Variants in TMOD3 observed in about 807,000 individuals in gnomAD.
TMOD3 encodes tropomodulin 3, also known as tropomodulin-3.
TMOD3 carries 20 observed loss-of-function variants against 39.2 expected under a neutral mutation model. The ratio of observed to expected loss-of-function variants is 0.51; its 90% confidence interval spans 0.36 to 0.74. The LOEUF is 0.74. TMOD3 is among the 30% of genes least tolerant of loss of function. TMOD3 has a pLI of 0.00. For synonymous variants in TMOD3, 143 were observed against 145.8 expected, an observed-to-expected ratio of 0.98 and a Z score of 0.14; for missense variants, 381 against 412.8, an observed-to-expected ratio of 0.92 and a Z score of 0.67.
At chr15:51,886,359 C>T (rs997954138) in intron 3 of TMOD3, among the ~76,000 whole-genome samples, 56 of 152,366 alleles carry the variant, frequency 3.7e-4, no homozygotes, top group African/African-American at 1.3e-3. Context: ...CACGCCACTG[C>T]ACTCCAGCCT....
At chr15:51,871,352 G>C (rs1023689867) in intron 3 of TMOD3, among the ~76,000 whole-genome samples, 1 of 152,116 alleles carries the variant, frequency 6.6e-6, no homozygotes, top group African/African-American at 2.4e-5. Flanking sequence ...CTTTAATCCT[G>C]CTTAAATAGA....
chr15:51,845,246 G>C (rs1209259411), intron 1 of TMOD3, among the ~76,000 whole-genome samples: 2 of 152,180 alleles, frequency 1.3e-5, no homozygotes, highest in Non-Finnish European at 2.9e-5. Flanking sequence ...AGGACTGAGG[G>C]AGGATCTGTG....
At chr15:51,898,071 G>A (rs1463603624) in intron 7 of TMOD3, among the ~76,000 whole-genome samples, 1 of 152,044 alleles carries the variant, frequency 6.6e-6, no homozygotes, top group African/African-American at 2.4e-5. Flanking sequence ...ATTCCTATTC[G>A]GATAACCCTC....
At chr15:51,849,382 A>C (rs865853206) in intron 1 of TMOD3, among the ~76,000 whole-genome samples, 7 of 152,348 alleles carry the variant, frequency 4.6e-5, no homozygotes, top group South Asian at 2.1e-4. Context: ...TATGGAATTC[A>C]GGAGAGAGGT....
intron 1 of TMOD3, chr15:51,833,298 G>A (rs1488368356): frequency 6.6e-6 from 1 of 152,232 alleles, no homozygotes; most frequent in African/African-American, 2.4e-5. Flanking sequence ...CTGTGTAACT[G>A]AAGATGCATT....
chr15:51,866,886 C>G (rs987749522), intron 2 of TMOD3, among the ~76,000 whole-genome samples: 3 of 152,168 alleles, frequency 2.0e-5, no homozygotes, highest in African/African-American at 7.2e-5. Context: ...ACCAAATAAT[C>G]ATACCATATT....
At position 51,869,273 on chromosome 15, in the gene TMOD3, A is replaced by T; in HGVS notation, c.183A>T (p.Thr61=). 1 of 1,614,172 alleles carries T rather than the reference A, an allele frequency of 6.2e-7. No homozygotes were observed. The highest frequency in any genetic ancestry group is 8.5e-7 in the Non-Finnish European group (1 of 1,180,006). The change falls in exon 3 of 10, where the codon ACA becomes ACT. Residue 61 remains threonine (T), a synonymous_variant. Coordinates refer to ENST00000308580, the MANE Select transcript of TMOD3 (RefSeq NM_014547.5). ...RQKNQTSKST[T]GPFDREHLLS... The stretch of plus-strand genomic sequence containing the variant: ...AGAACCAGACATCAAAGTCCACCAC[A>T]GGGCCATTTGATAGAGAGCATCTCC...
intron 1 of TMOD3, chr15:51,861,283 T>G (rs2141683243): frequency 2.6e-6 from 1 of 381,902 alleles, no homozygotes; most frequent in South Asian, 2.5e-5. Context: ...TCCTGAATTA[T>G]CTCTGCCATG....
rs1323201850 is a variant in TMOD3 at position 51,911,971 on chromosome 15, A to G, written c.*3161A>G. On this transcript the variant is annotated 3_prime_UTR_variant, in exon 10 of 10. Transcript: ENST00000308580. ...AGCTTGGTCATTTAATTGCGACTTC[A>G]TGTTATTTGATTGAAATAACCCACA... 1 of 152,186 alleles carries G rather than the reference A, an allele frequency of 6.6e-6. No homozygotes were observed. The highest frequency in any genetic ancestry group is 1.5e-5 in the Non-Finnish European group (1 of 68,036). The allele number at this position is 152,186 out of a possible 1,614,324, so 9.4% of individuals were successfully genotyped here. A position where few individuals can be genotyped will look rare whatever the true frequency, so the allele number is the denominator to read the frequency against.
chr15:51,853,088 A>G, intron 1 of TMOD3, among the ~76,000 whole-genome samples: 1 of 152,270 alleles, frequency 6.6e-6, no homozygotes, highest in East Asian at 1.9e-4. Flanking sequence ...ATATCAATTT[A>G]TTAATATCTA....
At chr15:51,871,523 A>G (rs2056474776) in intron 3 of TMOD3, among the ~76,000 whole-genome samples, 1 of 152,198 alleles carries the variant, frequency 6.6e-6, no homozygotes, top group African/African-American at 2.4e-5. Context: ...GAATTTGAGG[A>G]TAAGAAGGAG....
At chr15:51,892,933 A>C (rs995567171) in intron 5 of TMOD3, among the ~76,000 whole-genome samples, 8 of 152,232 alleles carry the variant, frequency 5.3e-5, no homozygotes, top group African/African-American at 1.9e-4. Flanking sequence ...AGACTGATAC[A>C]TGGCAAACAA....
Position 51,900,345 on chromosome 15 carries a change from G to A in TMOD3, c.879+47G>A, listed in dbSNP as rs142956044. 1,581 of 1,596,222 alleles carry A rather than the reference G, an allele frequency of 9.9e-4. 12 individuals carry two copies. In the African/African-American group the frequency reaches 0.019, roughly 19 times the overall value. ...CGTCGAGGAAGCTACAGCCCACGCT[G>A]CTGTGTAGGGCTTGGCGACTCAGGA... On this transcript the variant is annotated intron_variant, in intron 8 of 9. Transcript: ENST00000308580.
At chr15:51,907,056 C>T (rs572202523) in intron 9 of TMOD3, 1 of 151,902 alleles carries the variant, frequency 6.6e-6, no homozygotes, top group East Asian at 1.9e-4. Flanking sequence ...TGAAGTTTGC[C>T]TTTCAGACAT....
chr15:51,840,414 A>C (rs1595889799), intron 1 of TMOD3, among the ~76,000 whole-genome samples: 1 of 152,194 alleles, frequency 6.6e-6, no homozygotes, highest in South Asian at 2.1e-4. Flanking sequence ...AACATTGATC[A>C]CATGCTCTGT....
intron 4 of TMOD3, among the ~76,000 whole-genome samples, chr15:51,888,385 G>A (rs2056576074): frequency 6.6e-6 from 1 of 152,138 alleles, no homozygotes; most frequent in Non-Finnish European, 1.5e-5. Context: ...TAGGTGTGAC[G>A]CCACAGCCAC....
At chr15:51,892,777 T>C (rs2056600250) in intron 5 of TMOD3, among the ~76,000 whole-genome samples, 1 of 152,194 alleles carries the variant, frequency 6.6e-6, no homozygotes. Context: ...TTCAGAGAAA[T>C]GATGAGATGC....
intron 3 of TMOD3, among the ~76,000 whole-genome samples, chr15:51,873,850 G>A (rs2056488219): frequency 6.6e-6 from 1 of 152,074 alleles, no homozygotes; most frequent in African/African-American, 2.4e-5. Flanking sequence ...TCGAACTCCT[G>A]ACCTCAGGTG....
intron 3 of TMOD3, among the ~76,000 whole-genome samples, chr15:51,876,856 T>C (rs1490116678): frequency 6.6e-6 from 1 of 151,624 alleles, no homozygotes; most frequent in African/African-American, 2.4e-5. Context: ...AGGTCAGGAG[T>C]TGCAGACCAG....
Sources: allele counts gnomAD v4.1 joint callset (sites outside exome capture counted in the v4.1 genomes callset), GRCh38; gene constraint gnomAD v4.1.1; transcripts MANE v1.5; gene names NCBI Gene and HGNC (gene_info 2026-07-23, HGNC 2026-07-21).